The following CERS4 variants were observed in gnomAD, a reference collection of about 807,000 sequenced individuals.
CERS4 encodes the protein ceramide synthase 4.
Under a neutral mutation model 51.8 loss-of-function variants are expected in CERS4, and 65 were observed. That is an observed-to-expected ratio of 1.26 (90% CI 1.03 to 1.54). The LOEUF (loss-of-function observed/expected upper bound fraction) is 1.54, where lower values mean the gene tolerates loss of function less well. Ranked by LOEUF, CERS4 falls within the 40% of genes most tolerant of loss-of-function variation. The probability of loss-of-function intolerance (pLI) is 0.00; values close to 1 mark genes in which losing one functional copy is unlikely to be tolerated. For synonymous variants in CERS4, 228 were observed against 208.4 expected, an observed-to-expected ratio of 1.09 and a Z score of -0.81; for missense variants, 563 against 500.4, an observed-to-expected ratio of 1.13 and a Z score of -1.19.
In CERS4 at chr19:8,235,209, A is replaced by G. The variant is rs148369910; in HGVS notation, c.-1-15867A>G. Among the ~76,000 whole-genome samples, 542 of 150,900 alleles carry G rather than the reference A, an allele frequency of 3.6e-3. 4 individuals carry two copies. The highest frequency in any genetic ancestry group is 0.012 in the African/African-American group (508 of 41,198). ...TTTTTAGTAGAAACGGGGTTTCACC[A>G]TGTTGGCCAAGATGGTCTTGATCTC... is the stretch of plus-strand genomic sequence containing the variant. On this transcript the variant is annotated intron_variant, in intron 2 of 11. Transcript: ENST00000251363.
rs767554365 is a variant in CERS4, at chr19:8,257,085, CGACCCCTGCCT to C, written c.741+14_741+24del. 1.1e-5 allele frequency: 18 copies of C among 1,586,796 alleles called. No homozygotes were observed. The East Asian group carries it at 3.8e-4, about 34-fold the overall frequency. On this transcript the variant is annotated intron_variant, in intron 9 of 11. Coordinates refer to ENST00000251363, the MANE Select transcript of CERS4 (RefSeq NM_024552.3). ...TCTGACTACCTGCTGGAGGTGGGCC[CGACCCCTGCCT>C]GACCCTTCCCAGCTGCTGTACCCAG...
At chr19:8,258,619 A>C (rs36252) in intron 10 of CERS4, among the ~76,000 whole-genome samples, 140,958 of 151,938 alleles carry the variant, frequency 0.93, 65,514 homozygotes, top group Admixed American at 0.97. Context: ...CTGAGGCAGG[A>C]AGATCACGAG....
chr19:8,245,118 A>AT (rs768473172), intron 2 of CERS4, among the ~76,000 whole-genome samples: 3 of 124,098 alleles, frequency 2.4e-5, no homozygotes, highest in Admixed American at 1.6e-4. Context: ...TCTCAAAAAA[A>AT]AAAAAAAAAA....
Position 8,254,515 on chromosome 19 carries a change from CT to C in CERS4, c.191del (p.Leu64ArgfsTer7). 6.2e-7 allele frequency: 1 copy of C among 1,613,670 alleles called. No homozygotes were observed. Among genetic ancestry groups the C allele is most frequent in the Non-Finnish European group, 8.5e-7 (1 of 1,179,900 alleles). ...TGCACCCAGATTCATTGGCCTGCCC[CT>C]GAGCCGGTGGCTGGGTGTGAGGGAT... ...LAFERFIGLP[L>X]SRWLGVRDQT... is the part of the protein sequence containing the mutation. On this transcript the variant is annotated frameshift_variant, in exon 4 of 12. Coordinates refer to ENST00000251363, the MANE Select transcript of CERS4 (RefSeq NM_024552.3). LOFTEE classifies it high-confidence loss of function.
intron 10 of CERS4, among the ~76,000 whole-genome samples, chr19:8,260,015 T>TGAGATGGG (rs1969596235): frequency 6.6e-6 from 1 of 151,460 alleles, no homozygotes; most frequent in Admixed American, 6.6e-5. Flanking sequence ...GAAGTGGCTG[T>TGAGATGGG]GAGATGGGGA....
At chr19:8,245,122 A>ACAAAAAAAAAC (rs755450125) in intron 2 of CERS4, among the ~76,000 whole-genome samples, 9 of 129,280 alleles carry the variant, frequency 7.0e-5, no homozygotes, top group South Asian at 2.4e-4. Flanking sequence ...AAAAAAAAAA[A>ACAAAAAAAAAC]AAAAAAAAAA....
intron 2 of CERS4, among the ~76,000 whole-genome samples, chr19:8,220,594 C>A (rs1359624396): frequency 6.6e-6 from 1 of 150,892 alleles, no homozygotes; most frequent in African/African-American, 2.4e-5. Flanking sequence ...CATGAGCCAC[C>A]GCGTCCGGCT....
At chr19:8,242,181 T>C (rs921079422) in intron 2 of CERS4, among the ~76,000 whole-genome samples, 1 of 152,168 alleles carries the variant, frequency 6.6e-6, no homozygotes, top group East Asian at 1.9e-4. Flanking sequence ...CAGCTAGGAC[T>C]CCAGCCAGTC....
intron 2 of CERS4, among the ~76,000 whole-genome samples, chr19:8,220,916 G>A (rs975756681): frequency 1.3e-5 from 2 of 151,850 alleles, no homozygotes; most frequent in African/African-American, 4.8e-5. Context: ...CTGCCTCCTG[G>A]GTTCATGCCG....
At chr19:8,232,272 C>T (rs1055526806) in intron 2 of CERS4, among the ~76,000 whole-genome samples, 5 of 151,784 alleles carry the variant, frequency 3.3e-5, no homozygotes, top group African/African-American at 1.2e-4. Context: ...TGATACTGTC[C>T]AGTAGAATTT....
chr19:8,261,414 G>C, intron 10 of CERS4: 2 of 462,554 alleles, frequency 4.3e-6, no homozygotes, highest in South Asian at 5.9e-5. Context: ...GTGCCACCCA[G>C]GAAAGCAGCT....
At chr19:8,259,253 G>A (rs1817023697) in intron 10 of CERS4, among the ~76,000 whole-genome samples, 1 of 152,140 alleles carries the variant, frequency 6.6e-6, no homozygotes, top group African/African-American at 2.4e-5. Context: ...GGAGGTGAGG[G>A]ACAGAACCAC....
At chr19:8,251,427 GGCTGGTTTATAGGAACACTGACTGCA>G (rs553026249) in intron 3 of CERS4, among the ~76,000 whole-genome samples, 178 bp downstream of exon 3, 73 of 152,294 alleles carry the variant, frequency 4.8e-4, no homozygotes, top group East Asian at 3.1e-3. Flanking sequence ...GGCCTCTGAT[GGCTGGTTTATAGGAACACTGACTGCA>G]GCTGGTTTAT....
intron 2 of CERS4, among the ~76,000 whole-genome samples, chr19:8,232,996 C>G (rs1006739565): frequency 1.3e-5 from 2 of 150,662 alleles, no homozygotes; most frequent in African/African-American, 4.9e-5. Context: ...CCTTGACTTC[C>G]CAAAGTGCTG....
intron 2 of CERS4, among the ~76,000 whole-genome samples, chr19:8,216,169 A>G (rs1471220323): frequency 2.0e-5 from 3 of 152,066 alleles, no homozygotes; most frequent in African/African-American, 7.2e-5. Flanking sequence ...ACCTGAGGCC[A>G]GGAGTTCAAG....
intron 2 of CERS4, among the ~76,000 whole-genome samples, chr19:8,230,258 C>T (rs1351258267): frequency 2.6e-5 from 4 of 151,496 alleles, no homozygotes; most frequent in South Asian, 2.1e-4. Flanking sequence ...TCTCAGATCT[C>T]GGCTCACTCC....
intron 2 of CERS4, among the ~76,000 whole-genome samples, chr19:8,228,946 C>A (rs965920481): frequency 1.3e-5 from 2 of 151,412 alleles, no homozygotes. Flanking sequence ...ATCACTTGAA[C>A]CCCTGGGGCG....
intron 2 of CERS4, among the ~76,000 whole-genome samples, chr19:8,211,360 C>T (rs1452544253): frequency 6.6e-6 from 1 of 152,132 alleles, no homozygotes; most frequent in Non-Finnish European, 1.5e-5. Context: ...TTCTCCCTTT[C>T]CGACTGGCTG....
At chr19:8,241,963 G>C (rs1968558368) in intron 2 of CERS4, among the ~76,000 whole-genome samples, 2 of 152,306 alleles carry the variant, frequency 1.3e-5, no homozygotes, top group South Asian at 4.1e-4. Flanking sequence ...ACATCCCTCA[G>C]CCTCATTTCC....
Sources: allele counts gnomAD v4.1 joint callset (sites outside exome capture counted in the v4.1 genomes callset), GRCh38; gene constraint gnomAD v4.1.1; transcripts MANE v1.5; gene names NCBI Gene and HGNC (gene_info 2026-07-23, HGNC 2026-07-21).